The following RNF180 variants were observed in gnomAD, a reference collection of about 807,000 sequenced individuals.
The protein encoded by RNF180 is E3 ubiquitin-protein ligase RNF180.
A neutral mutation model predicts 59.2 loss-of-function variants in RNF180; 38 were observed. That is an observed-to-expected ratio of 0.64 (90% CI 0.50 to 0.84). The LOEUF is 0.84. Ranked by LOEUF, RNF180 falls within the 40% of genes least tolerant of loss-of-function variation. RNF180 has a pLI of 0.00. For missense variants in RNF180, 705 were observed against 700.9 expected (o/e 1.01, Z -0.07); for synonymous variants, 262 against 240.3 (o/e 1.09, Z -0.84).
chr5:64,342,995 G>A (rs1211886209), intron 7 of RNF180, among the ~76,000 whole-genome samples: 1 of 152,130 alleles, frequency 6.6e-6, no homozygotes, highest in African/African-American at 2.4e-5. Context: ...GAGGGGATGA[G>A]TCTCTCACTC....
At chr5:64,249,251 A>AT (rs1743403595) in intron 5 of RNF180, among the ~76,000 whole-genome samples, 1 of 152,016 alleles carries the variant, frequency 6.6e-6, no homozygotes. Context: ...TTAAAGTATA[A>AT]TAAAAAAAGA....
chr5:64,258,203 C>T (rs560881273), intron 5 of RNF180, among the ~76,000 whole-genome samples: 2 of 152,160 alleles, frequency 1.3e-5, no homozygotes, highest in African/African-American at 4.8e-5. Flanking sequence ...AATATGGGGA[C>T]ACTTATGACT....
intron 5 of RNF180, among the ~76,000 whole-genome samples, chr5:64,232,695 A>G (rs1484239682): frequency 1.3e-5 from 2 of 152,222 alleles, no homozygotes; most frequent in African/African-American, 2.4e-5. Context: ...TTTACGTGGG[A>G]GTCAAAAGAA....
intron 5 of RNF180, among the ~76,000 whole-genome samples, chr5:64,239,339 C>A (rs1742652392): frequency 6.6e-6 from 1 of 152,132 alleles, no homozygotes; most frequent in South Asian, 2.1e-4. Flanking sequence ...GTTTGAGAAT[C>A]ATTGCTTTCA....
chr5:64,330,550 T>C lies in RNF180; in HGVS notation c.1579+144T>C, dbSNP rs556036978. 4.6e-5 allele frequency: 37 copies of C among 802,464 alleles called. No homozygotes were observed. In the African/African-American group the frequency reaches 5.8e-4, roughly 13 times the overall value. 49.7% of individuals were successfully genotyped at this position (802,464 alleles called of 1,614,324 possible). ...TTAAATAAGGATTTTGCTAAGTATC[T>C]CCTTGCTGAAAACTACAGATGTACA... is the stretch of plus-strand genomic sequence containing the variant. On this transcript the variant is annotated intron_variant, in intron 7 of 7. Coordinates refer to ENST00000389100, the MANE Select transcript of RNF180 (RefSeq NM_001113561.2).
intron 5 of RNF180, among the ~76,000 whole-genome samples, chr5:64,222,380 G>T (rs763681209): frequency 6.6e-6 from 1 of 151,994 alleles, no homozygotes; most frequent in Non-Finnish European, 1.5e-5. Flanking sequence ...TTGGTGTGCT[G>T]CACCCATTAA....
chr5:64,168,390 A>G (rs991164677), intron 1 of RNF180, among the ~76,000 whole-genome samples: 1 of 152,250 alleles, frequency 6.6e-6, no homozygotes, highest in African/African-American at 2.4e-5. Flanking sequence ...AGACATTGTT[A>G]GAATTTGCAA....
At chr5:64,233,318 A>G (rs1034268851) in intron 5 of RNF180, among the ~76,000 whole-genome samples, 2 of 152,224 alleles carry the variant, frequency 1.3e-5, no homozygotes, top group African/African-American at 4.8e-5. Context: ...ATGAAAAATT[A>G]TTGGCAAACA....
intron 5 of RNF180, among the ~76,000 whole-genome samples, chr5:64,229,415 A>G (rs186577145): frequency 6.8e-4 from 103 of 152,326 alleles, no homozygotes; most frequent in African/African-American, 2.2e-3. Flanking sequence ...GTTTTCCACC[A>G]AAGAACTTCA....
At chr5:64,228,434 A>G (rs1433201429) in intron 5 of RNF180, among the ~76,000 whole-genome samples, 1 of 152,168 alleles carries the variant, frequency 6.6e-6, no homozygotes, top group East Asian at 1.9e-4. Context: ...GGATCGCTTG[A>G]GTCCGGGAGG....
intron 5 of RNF180, among the ~76,000 whole-genome samples, chr5:64,290,293 C>CGATT (rs1269571696): frequency 1.3e-5 from 2 of 152,090 alleles, no homozygotes; most frequent in Non-Finnish European, 2.9e-5. Flanking sequence ...GTTTTACTTC[C>CGATT]GATTATTTGA....
intron 5 of RNF180, among the ~76,000 whole-genome samples, chr5:64,273,213 C>T (rs79504989): frequency 0.1 from 15,539 of 151,902 alleles, 899 homozygotes; most frequent in South Asian, 0.17. Context: ...TTACTCTATA[C>T]GGTCTAAAAA....
intron 5 of RNF180, among the ~76,000 whole-genome samples, chr5:64,322,815 C>G (rs905456987): frequency 6.6e-6 from 1 of 151,920 alleles, no homozygotes; most frequent in Non-Finnish European, 1.5e-5. Flanking sequence ...ATAAGAATGA[C>G]ACAATGGACT....
intron 5 of RNF180, among the ~76,000 whole-genome samples, chr5:64,272,887 A>C (rs1413544123): frequency 6.6e-6 from 1 of 152,006 alleles, no homozygotes; most frequent in African/African-American, 2.4e-5. Context: ...GGATGTATTG[A>C]ATTGAGGTGC....
chr5:64,209,101 G>A (rs1752175443), intron 2 of RNF180, among the ~76,000 whole-genome samples: 2 of 151,990 alleles, frequency 1.3e-5, no homozygotes, highest in South Asian at 4.1e-4. Context: ...GGCATAAGAG[G>A]CAATGTGGAA....
intron 5 of RNF180, among the ~76,000 whole-genome samples, chr5:64,242,009 C>T (rs1327952015): frequency 6.6e-6 from 1 of 152,188 alleles, no homozygotes. Context: ...CTCTAGTCCT[C>T]CCACCCTCCT....
chr5:64,203,162 A>G (rs1751839098), intron 2 of RNF180, among the ~76,000 whole-genome samples: 1 of 152,216 alleles, frequency 6.6e-6, no homozygotes, highest in Non-Finnish European at 1.5e-5. Flanking sequence ...AGTTGAAAAA[A>G]TATACTCTGG....
intron 7 of RNF180, among the ~76,000 whole-genome samples, chr5:64,366,571 G>A (rs578149672): frequency 1.7e-4 from 25 of 151,432 alleles, no homozygotes; most frequent in Admixed American, 4.6e-4. Flanking sequence ...ATCTCTTTCA[G>A]TAAATGAAAT....
chr5:64,277,058 A>G (rs1441497706), intron 5 of RNF180, among the ~76,000 whole-genome samples: 1 of 151,978 alleles, frequency 6.6e-6, no homozygotes, highest in African/African-American at 2.4e-5. Context: ...CTTGCTATGG[A>G]TGGAATTACA....
Sources: allele counts gnomAD v4.1 joint callset (sites outside exome capture counted in the v4.1 genomes callset), GRCh38; gene constraint gnomAD v4.1.1; transcripts MANE v1.5; gene names NCBI Gene and HGNC (gene_info 2026-07-23, HGNC 2026-07-21).